The following CREB5 variants were observed in gnomAD, a reference collection of about 807,000 sequenced individuals.
The protein encoded by CREB5 is cAMP responsive element binding protein 5, also known as cyclic AMP-responsive element-binding protein 5.
CREB5 carries 19 observed loss-of-function variants against 57.1 expected under a neutral mutation model. The observed-to-expected ratio is 0.33, with a 90% CI of 0.23 to 0.49. The LOEUF (loss-of-function observed/expected upper bound fraction) is 0.49. Among genes scored for constraint, CREB5 ranks in the 20% least tolerant of loss-of-function variants. CREB5 has a pLI of 0.99. For synonymous variants in CREB5, 238 were observed against 238.3 expected (o/e 1.00, Z 0.01); for missense variants, 579 against 671.6 (o/e 0.86, Z 1.52).
intron 5 of CREB5, among the ~76,000 whole-genome samples, chr7:28,648,343 A>G (rs1798972944): frequency 6.6e-6 from 1 of 152,200 alleles, no homozygotes; most frequent in Non-Finnish European, 1.5e-5. Flanking sequence ...AAAAAAGAGT[A>G]TCCAACTCAA....
intron 1 of CREB5, among the ~76,000 whole-genome samples, chr7:28,381,570 A>C (rs916947167): frequency 8.5e-5 from 13 of 152,224 alleles, no homozygotes; most frequent in African/African-American, 3.1e-4. Flanking sequence ...TCTTTGCCTA[A>C]TTGTGAAGCA....
chr7:28,367,893 G>C (rs539695332), intron 1 of CREB5, among the ~76,000 whole-genome samples: 2 of 152,044 alleles, frequency 1.3e-5, no homozygotes, highest in Non-Finnish European at 2.9e-5. Context: ...ACTTCTCTTC[G>C]TCACCTTCCC....
Position 28,507,617 on chromosome 7 carries a change from T to A in CREB5, c.171T>A (p.Asp57Glu). The A allele has an allele frequency of 1.2e-6, 2 of 1,608,572 alleles. No individual in the cohort carries two copies. Among genetic ancestry groups the A allele is most frequent in the Non-Finnish European group, 1.7e-6 (2 of 1,176,022 alleles). The change falls in exon 4 of 11, where the codon GAT becomes GAA. Residue 57 changes from aspartate to glutamate, a missense_variant and splice_region_variant. Transcript: ENST00000357727. Reference sequence around the variant, plus strand: ...TGAGCTCTCCGACTCTGTTTTCAGATCAAACTCCGACCCCAACGAGATTCC... The same window carrying A: ...TGAGCTCTCCGACTCTGTTTTCAGAACAAACTCCGACCCCAACGAGATTCC... ...PSIKTDNMLS[D>E]QTPTPTRFLK...
intron 5 of CREB5, among the ~76,000 whole-genome samples, chr7:28,636,990 C>T (rs1798446274): frequency 6.6e-6 from 1 of 151,834 alleles, no homozygotes; most frequent in African/African-American, 2.4e-5. Flanking sequence ...CCTGACTCTA[C>T]AAAAAGTACA....
intron 7 of CREB5, among the ~76,000 whole-genome samples, chr7:28,761,936 G>C (rs1009059052): frequency 2.6e-5 from 4 of 151,782 alleles, no homozygotes; most frequent in Non-Finnish European, 5.9e-5. Context: ...AAATGAGTTC[G>C]CAACATAAAG....
chr7:28,437,017 G>C (rs1202875990), intron 1 of CREB5, among the ~76,000 whole-genome samples: 1 of 152,062 alleles, frequency 6.6e-6, no homozygotes, highest in Non-Finnish European at 1.5e-5. Context: ...AATGTCTTTG[G>C]TTTGGTGCAA....
chr7:28,566,101 T>G lies in CREB5; in HGVS notation c.292-4264T>G, dbSNP rs796355742. Among the ~76,000 whole-genome samples the G allele has an allele frequency of 3.9e-5, 6 of 152,334 alleles. 1 individual carries two copies. Among genetic ancestry groups the G allele is most frequent in the African/African-American group, 1.4e-4 (6 of 41,574 alleles). On this transcript the variant is annotated intron_variant, in intron 4 of 10. Coordinates refer to ENST00000357727, the MANE Select transcript of CREB5 (RefSeq NM_182898.4). ...CCTTTATTCACACTTATTTGTCAAT[T>G]TTCCCCCTAAAATGTGGTGGCCAAA... is the stretch of plus-strand genomic sequence containing the variant.
chr7:28,470,543 G>A (rs2128581955), intron 1 of CREB5, among the ~76,000 whole-genome samples: 1 of 152,302 alleles, frequency 6.6e-6, no homozygotes, highest in South Asian at 2.1e-4. Flanking sequence ...ACACAAGAAT[G>A]TGGATATCTC....
chr7:28,700,634 G>A (rs1426978039), intron 5 of CREB5, among the ~76,000 whole-genome samples: 3 of 152,154 alleles, frequency 2.0e-5, no homozygotes, highest in Non-Finnish European at 2.9e-5. Context: ...TGAGTTCTTA[G>A]TACTCCTAGG....
intron 1 of CREB5, among the ~76,000 whole-genome samples, chr7:28,439,384 C>T (rs1266008626): frequency 1.3e-5 from 2 of 152,198 alleles, no homozygotes; most frequent in Non-Finnish European, 2.9e-5. Context: ...ACTACCAGAC[C>T]TTTCTTAAAT....
At chr7:28,552,369 G>A (rs1794709088) in intron 4 of CREB5, among the ~76,000 whole-genome samples, 1 of 152,148 alleles carries the variant, frequency 6.6e-6, no homozygotes, top group Non-Finnish European at 1.5e-5. Context: ...TACACTTCCT[G>A]TGCAGATTTA....
chr7:28,434,465 G>T (rs1788860182), intron 1 of CREB5, among the ~76,000 whole-genome samples: 1 of 151,968 alleles, frequency 6.6e-6, no homozygotes, highest in Non-Finnish European at 1.5e-5. Context: ...CATGCTAGGT[G>T]AATTTCTTAC....
chr7:28,647,660 GA>G (rs1798939399), intron 5 of CREB5, among the ~76,000 whole-genome samples: 1 of 152,178 alleles, frequency 6.6e-6, no homozygotes, highest in South Asian at 2.1e-4. Context: ...AATCAAGATT[GA>G]CAGACATAAC....
chr7:28,766,933 G>T (rs1806033287), intron 7 of CREB5, among the ~76,000 whole-genome samples: 1 of 152,202 alleles, frequency 6.6e-6, no homozygotes, highest in Non-Finnish European at 1.5e-5. Context: ...TCTGAAGTAT[G>T]GAGTAAGGAC....
chr7:28,790,015 GA>G (rs1413896150), intron 7 of CREB5, among the ~76,000 whole-genome samples: 1 of 152,184 alleles, frequency 6.6e-6, no homozygotes, highest in Non-Finnish European at 1.5e-5. Context: ...TAAGATTTTT[GA>G]ATGGAAGGAA....
intron 5 of CREB5, among the ~76,000 whole-genome samples, chr7:28,594,564 G>A (rs1012744294): frequency 1.3e-5 from 2 of 152,150 alleles, no homozygotes; most frequent in Non-Finnish European, 2.9e-5. Context: ...TCTGCAGCAT[G>A]CCTGTGTGAC....
chr7:28,648,516 G>T (rs1798994045), intron 5 of CREB5, among the ~76,000 whole-genome samples: 1 of 152,014 alleles, frequency 6.6e-6, no homozygotes, highest in East Asian at 1.9e-4. Flanking sequence ...CAGGAGGATT[G>T]CTTGAGCTCA....
intron 4 of CREB5, among the ~76,000 whole-genome samples, chr7:28,547,099 A>C (rs1412878283): frequency 6.6e-6 from 1 of 152,246 alleles, no homozygotes; most frequent in Non-Finnish European, 1.5e-5. Context: ...TTCCATGTGT[A>C]TTCTTGCCCT....
chr7:28,727,381 T>C (rs763604702), intron 7 of CREB5, among the ~76,000 whole-genome samples: 12 of 152,080 alleles, frequency 7.9e-5, no homozygotes, highest in African/African-American at 2.2e-4. Context: ...GTGTCTTAGA[T>C]GAAAGTGGGA....
Sources: gnomAD v4.1 joint callset for allele counts (sites outside exome capture counted in the v4.1 genomes callset) on GRCh38, gnomAD v4.1.1 for gene constraint, MANE v1.5 for transcripts, NCBI Gene and HGNC (gene_info 2026-07-23, HGNC 2026-07-21) for gene names.